Variants in PBX1 observed in about 807,000 individuals in gnomAD.
The protein encoded by PBX1 is PBX homeobox 1.
In PBX1, 6 loss-of-function variants were observed where a neutral mutation model predicts 53.4. That is an observed-to-expected ratio of 0.11 (90% confidence interval 0.06 to 0.22). PBX1 has a LOEUF of 0.22. PBX1 is among the 10% of genes least tolerant of loss of function. PBX1 has a pLI of 1.00. For synonymous variants in PBX1, 204 were observed against 212.3 expected, an observed-to-expected ratio of 0.96 and a Z score of 0.34; for missense variants, 251 against 551.4, an observed-to-expected ratio of 0.46 and a Z score of 5.46.
chr1:164,703,279 T>G lies in PBX1; in HGVS notation c.266-89215T>G, dbSNP rs539429671. 4 of 152,318 alleles carry G rather than the reference T, an allele frequency of 2.6e-5. No homozygotes were observed. The East Asian group carries it at 7.7e-4, about 29-fold the overall frequency. The allele number at this position is 152,318 out of a possible 1,614,324, so 9.4% of individuals were successfully genotyped here. A position where few individuals can be genotyped will look rare whatever the true frequency, so the allele number is the denominator to read the frequency against. On this transcript the variant is annotated intron_variant, in intron 2 of 8. Coordinates refer to ENST00000420696, the MANE Select transcript of PBX1 (RefSeq NM_002585.4). ...GATCCTGCTGCCTCAGCATCCCAAGTAGATGGGACCATAGGTGTATACCTC... is the reference window on the plus strand; with the variant it reads ...GATCCTGCTGCCTCAGCATCCCAAGGAGATGGGACCATAGGTGTATACCTC...
At chr1:164,786,721 G>GCA (rs1668210536) in intron 2 of PBX1, among the ~76,000 whole-genome samples, 1 of 125,268 alleles carries the variant, frequency 8.0e-6, no homozygotes, top group Admixed American at 7.5e-5. Context: ...GTGTGTGTGT[G>GCA]CGCGCGCACA....
chr1:164,777,550 G>A (rs993917322), intron 2 of PBX1, among the ~76,000 whole-genome samples: 4 of 152,164 alleles, frequency 2.6e-5, no homozygotes, highest in African/African-American at 9.7e-5. Flanking sequence ...CACTGACTAT[G>A]GTATTTCAAA....
chr1:164,632,457 G>A (rs1049255311), intron 2 of PBX1, among the ~76,000 whole-genome samples: 1 of 152,126 alleles, frequency 6.6e-6, no homozygotes, highest in African/African-American at 2.4e-5. Flanking sequence ...CTGTCCTTAG[G>A]TTCACAGCAC....
chr1:164,881,258 T>C (rs1344128390), intron 2 of PBX1, among the ~76,000 whole-genome samples: 1 of 146,476 alleles, frequency 6.8e-6, no homozygotes, highest in East Asian at 2.0e-4. Context: ...CTTGGAAGAG[T>C]CTTGAAGAAG....
chr1:164,705,292 C>T (rs1215307498), intron 2 of PBX1, among the ~76,000 whole-genome samples: 1 of 152,112 alleles, frequency 6.6e-6, no homozygotes, highest in Non-Finnish European at 1.5e-5. Context: ...GGGGAAAATA[C>T]ATTTTACTGT....
chr1:164,821,099 C>G (rs1308302729), intron 7 of PBX1, among the ~76,000 whole-genome samples: 3 of 152,220 alleles, frequency 2.0e-5, no homozygotes, highest in African/African-American at 7.2e-5. Flanking sequence ...GTACTGCTCT[C>G]TCTGTGAGAT....
At chr1:164,760,049 T>C (rs1363102655) in intron 2 of PBX1, among the ~76,000 whole-genome samples, 1 of 152,226 alleles carries the variant, frequency 6.6e-6, no homozygotes, top group East Asian at 1.9e-4. Context: ...TCTCCGTGTG[T>C]CTGTAAAAGT....
chr1:164,643,440 C>G (rs986080941), intron 2 of PBX1, among the ~76,000 whole-genome samples: 1 of 152,106 alleles, frequency 6.6e-6, no homozygotes, highest in African/African-American at 2.4e-5. Flanking sequence ...TTTCTTAATT[C>G]TCTTTGGCTC....
At chr1:164,621,478 G>T (rs968562528) in intron 2 of PBX1, among the ~76,000 whole-genome samples, 1 of 152,128 alleles carries the variant, frequency 6.6e-6, no homozygotes, top group African/African-American at 2.4e-5. Context: ...AGTACAGGGG[G>T]ATGGGATACG....
intron 2 of PBX1, among the ~76,000 whole-genome samples, chr1:164,593,571 G>C (rs778610326): frequency 7.9e-5 from 12 of 152,140 alleles, no homozygotes; most frequent in Non-Finnish European, 1.6e-4. Context: ...CCTCTGTTTT[G>C]TTTTCATCTA....
At chr1:164,624,217 T>G (rs898908480) in intron 2 of PBX1, among the ~76,000 whole-genome samples, 12 of 152,246 alleles carry the variant, frequency 7.9e-5, no homozygotes, top group African/African-American at 2.4e-4. Flanking sequence ...GATTATGTTA[T>G]TCTTCACAAC....
intron 8 of PBX1, among the ~76,000 whole-genome samples, chr1:164,827,019 C>T (rs1670504040): frequency 6.6e-6 from 1 of 152,124 alleles, no homozygotes; most frequent in Non-Finnish European, 1.5e-5. Context: ...GAAAAAGGAA[C>T]ATTTACCAAG....
In PBX1 at chr1:164,577,431, G is replaced by T. The variant is rs1336482158; in HGVS notation, c.265+14120G>T. Among the ~76,000 whole-genome samples the T allele has an allele frequency of 2.0e-5, 3 of 152,272 alleles. No individual in the cohort carries two copies. The East Asian group carries it at 5.8e-4, about 29-fold the overall frequency. On this transcript the variant is annotated intron_variant, in intron 2 of 8. Transcript: ENST00000420696. ...CTTCAGAAAATAGAGAATTGATTTTGGTAGTTTGCCCCCTCCTGCCCATGC... is the reference window on the plus strand; with the variant it reads ...CTTCAGAAAATAGAGAATTGATTTTTGTAGTTTGCCCCCTCCTGCCCATGC...
At chr1:164,763,971 G>A (rs1666933479) in intron 2 of PBX1, among the ~76,000 whole-genome samples, 1 of 152,186 alleles carries the variant, frequency 6.6e-6, no homozygotes, top group Non-Finnish European at 1.5e-5. Flanking sequence ...TTATAGGATT[G>A]TGGAGATTTA....
chr1:164,821,675 T>C (rs1266856990), intron 8 of PBX1, 49 bp downstream of exon 8: 2 of 1,404,444 alleles, frequency 1.4e-6, no homozygotes, highest in Middle Eastern at 1.8e-4. Context: ...ATTCTTTCAC[T>C]ACCAATTATT....
chr1:164,640,332 G>A (rs1309937651), intron 2 of PBX1, among the ~76,000 whole-genome samples: 1 of 152,126 alleles, frequency 6.6e-6, no homozygotes, highest in Admixed American at 6.5e-5. Flanking sequence ...AAGAGCTCTT[G>A]TTCCTCAGTT....
chr1:164,786,241 CA>C (rs150731037), intron 2 of PBX1, among the ~76,000 whole-genome samples: 8,241 of 152,142 alleles, frequency 0.054, 754 homozygotes, highest in African/African-American at 0.19. Flanking sequence ...CATTTAGTGT[CA>C]GGGGCCCTGT....
chr1:164,644,475 C>T (rs765165150), intron 2 of PBX1, among the ~76,000 whole-genome samples: 7 of 152,116 alleles, frequency 4.6e-5, no homozygotes, highest in Admixed American at 6.5e-5. Flanking sequence ...TGCCACCCTT[C>T]GCTTACAAAA....
At chr1:164,732,644 T>A (rs1045832271) in intron 2 of PBX1, among the ~76,000 whole-genome samples, 8 of 152,088 alleles carry the variant, frequency 5.3e-5, no homozygotes, top group African/African-American at 1.7e-4. Context: ...TACACTTTTT[T>A]TCTTTTCTCC....
Sources: gnomAD v4.1 joint callset for allele counts (sites outside exome capture counted in the v4.1 genomes callset) on GRCh38, gnomAD v4.1.1 for gene constraint, MANE v1.5 for transcripts, NCBI Gene and HGNC (gene_info 2026-07-23, HGNC 2026-07-21) for gene names.